Variants in JAK1 observed in about 807,000 individuals in gnomAD.
JAK1 encodes Janus kinase 1, also known as tyrosine-protein kinase JAK1.
In JAK1, 16 loss-of-function variants were observed where a neutral mutation model predicts 136.6. The observed-to-expected ratio is 0.12, with a 90% CI of 0.08 to 0.18. The LOEUF is 0.18. JAK1 is among the 10% of genes least tolerant of loss of function. JAK1 has a pLI of 1.00. For synonymous variants in JAK1, 492 were observed against 519.5 expected (o/e 0.95, Z 0.72); for missense variants, 859 against 1,450.1 (o/e 0.59, Z 6.62).
intron 1 of JAK1, among the ~76,000 whole-genome samples, chr1:64,952,842 C>T (rs542878053): frequency 6.6e-6 from 1 of 152,302 alleles, no homozygotes; most frequent in African/African-American, 2.4e-5. Flanking sequence ...CACACACATA[C>T]ATAAACACAC....
At chr1:64,995,799 A>T (rs1246196906) in intron 2 of JAK1, among the ~76,000 whole-genome samples, 1 of 152,122 alleles carries the variant, frequency 6.6e-6, no homozygotes. Flanking sequence ...GTGCAGTGGC[A>T]TGATCATGGC....
intron 1 of JAK1, among the ~76,000 whole-genome samples, chr1:64,923,799 G>A (rs7538610): frequency 0.97 from 147,191 of 152,252 alleles, 71,302 homozygotes; most frequent in East Asian, 1. Context: ...TATGGTTCCA[G>A]TGCATCAGAC....
chr1:64,952,372 G>A (rs963913375), intron 1 of JAK1, among the ~76,000 whole-genome samples: 5 of 152,058 alleles, frequency 3.3e-5, no homozygotes, highest in African/African-American at 9.7e-5. Flanking sequence ...ACCATTCTAA[G>A]GCTCAGTTTA....
intron 1 of JAK1, among the ~76,000 whole-genome samples, chr1:64,965,619 G>A (rs1157224166): frequency 6.6e-6 from 1 of 152,124 alleles, no homozygotes; most frequent in East Asian, 1.9e-4. Context: ...CCCCAGTTTC[G>A]GTTAATCAGT....
intron 1 of JAK1, among the ~76,000 whole-genome samples, chr1:64,888,106 C>T (rs575291242): frequency 1.4e-4 from 21 of 152,310 alleles, no homozygotes; most frequent in African/African-American, 5.1e-4. Flanking sequence ...CTGTAAGTTC[C>T]ACCAGGCCCA....
intron 2 of JAK1, among the ~76,000 whole-genome samples, chr1:65,029,026 G>A (rs1327399860): frequency 2.6e-5 from 4 of 152,074 alleles, no homozygotes; most frequent in Non-Finnish European, 5.9e-5. Context: ...ACTATGCAGG[G>A]GTCAAGGCTC....
chr1:65,032,103 C>G (rs1367965110), intron 2 of JAK1, among the ~76,000 whole-genome samples: 5 of 151,888 alleles, frequency 3.3e-5, no homozygotes, highest in Non-Finnish European at 7.4e-5. Flanking sequence ...GTCGCTGGGA[C>G]TACAGGCACG....
intron 2 of JAK1, among the ~76,000 whole-genome samples, chr1:65,042,089 A>G (rs1647138940): frequency 6.6e-6 from 1 of 152,080 alleles, no homozygotes; most frequent in South Asian, 2.1e-4. Flanking sequence ...AGAAAAACAA[A>G]ACAAAAAAAC....
rs769364813 is a variant in JAK1, at chr1:65,000,850, G to GT, written c.-78+43629dup. ...ATTTTTGTGATTTTTAAAAAGGAGGGTTTTTTTTTTGGTGGGGGGGCGGTT... is the reference window on the plus strand; with the variant it reads ...ATTTTTGTGATTTTTAAAAAGGAGGGTTTTTTTTTTTGGTGGGGGGGCGGTT... On this transcript the variant is annotated intron_variant, in intron 2 of 25. Transcript: ENST00000671954. Among the ~76,000 whole-genome samples the GT allele has an allele frequency of 1.4e-3, 197 of 144,672 alleles. 6 individuals carry two copies. The highest frequency in any genetic ancestry group is 8.0e-3 in the East Asian group (40 of 4,988). The allele number at this position is 144,672 out of a possible 152,430, so 94.9% of individuals were successfully genotyped here.
chr1:64,945,476 C>A (rs1645967547), intron 1 of JAK1, among the ~76,000 whole-genome samples: 1 of 151,830 alleles, frequency 6.6e-6, no homozygotes, highest in East Asian at 1.9e-4. Flanking sequence ...ATGGTCTATT[C>A]ACACGAGAAA....
chr1:65,007,771 C>T (rs1227617247), intron 2 of JAK1, among the ~76,000 whole-genome samples: 3 of 148,426 alleles, frequency 2.0e-5, no homozygotes, highest in Non-Finnish European at 3.0e-5. Context: ...TCTGATACAG[C>T]GTTTTGCTCT....
At chr1:64,928,335 G>A (rs2100421111) in intron 1 of JAK1, among the ~76,000 whole-genome samples, 1 of 152,304 alleles carries the variant, frequency 6.6e-6, no homozygotes, top group African/African-American at 2.4e-5. Context: ...GCAATAAAAG[G>A]TGATGAGAAA....
intron 2 of JAK1, among the ~76,000 whole-genome samples, chr1:65,041,922 C>T (rs533922555): frequency 4.6e-5 from 7 of 152,180 alleles, no homozygotes; most frequent in South Asian, 2.1e-4. Flanking sequence ...TGCCTATAAT[C>T]GCAGCTACTA....
chr1:64,993,253 T>G (rs1646674437), intron 2 of JAK1: 1 of 152,214 alleles, frequency 6.6e-6, no homozygotes, highest in Non-Finnish European at 1.5e-5. Context: ...TGTATGGTAG[T>G]GGTTAAGAGT....
Position 64,854,259 on chromosome 1 carries a change from G to A in JAK1, c.1648+1250C>T, listed in dbSNP as rs1036622450. ...CACTCCTGGTGGTGTGAGGGTTTAT[G>A]GACACGTTCGCTTGGAAGAACAAGA... On this transcript the variant is annotated intron_variant, in intron 11 of 24. Transcript: ENST00000342505. Among the ~76,000 whole-genome samples, 40 of 152,256 alleles carry A rather than the reference G, an allele frequency of 2.6e-4. 1 individual carries two copies. Among genetic ancestry groups the A allele is most frequent in the African/African-American group, 9.4e-4 (39 of 41,548 alleles).
chr1:64,934,629 C>T (rs925093475), intron 1 of JAK1, among the ~76,000 whole-genome samples: 6 of 152,194 alleles, frequency 3.9e-5, no homozygotes, highest in Non-Finnish European at 8.8e-5. Flanking sequence ...CTTTGAAAAC[C>T]TTCCATCTAC....
chr1:64,838,365 A>G, intron 21 of JAK1, 100 bp downstream of exon 21: 3 of 1,258,992 alleles, frequency 2.4e-6, no homozygotes, highest in Non-Finnish European at 2.2e-6. Context: ...AAACAGTATA[A>G]TTATCATAAA....
chr1:64,863,122 C>T (rs2780827), intron 8 of JAK1, among the ~76,000 whole-genome samples: 17,801 of 145,000 alleles, frequency 0.12, 1,098 homozygotes, highest in African/African-American at 0.2. Flanking sequence ...AACACGGGGC[C>T]TAATACCCAG....
chr1:64,915,422 C>T (rs1474124045), intron 1 of JAK1, among the ~76,000 whole-genome samples: 1 of 152,020 alleles, frequency 6.6e-6, no homozygotes, highest in Non-Finnish European at 1.5e-5. Flanking sequence ...TAACGTATAC[C>T]ACAGAAGTCT....
Sources: gnomAD v4.1 joint callset for allele counts (sites outside exome capture counted in the v4.1 genomes callset) on GRCh38, gnomAD v4.1.1 for gene constraint, MANE v1.5 for transcripts, NCBI Gene and HGNC (gene_info 2026-07-23, HGNC 2026-07-21) for gene names.